The following CNTNAP3B variants were observed in gnomAD, a reference collection of about 807,000 sequenced individuals.
The protein encoded by CNTNAP3B is contactin-associated protein-like 3B.
CNTNAP3B carries 25 observed loss-of-function variants against 108.9 expected under a neutral mutation model. The ratio of observed to expected loss-of-function variants is 0.23; its 90% confidence interval spans 0.17 to 0.32. The LOEUF (loss-of-function observed/expected upper bound fraction) is 0.32. CNTNAP3B is among the 10% of genes least tolerant of loss of function. The probability of loss-of-function intolerance (pLI) is 1.00; values close to 1 mark genes in which losing one functional copy is unlikely to be tolerated. For missense variants in CNTNAP3B, 252 were observed against 1,210.4 expected (o/e 0.21, Z 11.75); for synonymous variants, 103 against 473.4 (o/e 0.22, Z 10.16).
intron 3 of CNTNAP3B, 60 bp downstream of exon 3, chr9:42,076,809 A>G (rs1827502032): frequency 1.4e-6 from 2 of 1,460,784 alleles, no homozygotes; most frequent in African/African-American, 3.3e-5. Context: ...AATTCTTAAA[A>G]TTCTGTTTTT....
At chr9:41,938,698 C>T (rs1365937599) in intron 13 of CNTNAP3B, among the ~76,000 whole-genome samples, 1 of 152,250 alleles carries the variant, frequency 6.6e-6, no homozygotes, top group Non-Finnish European at 1.5e-5. Flanking sequence ...CAAAAAAATT[C>T]ACCATTAAAA....
At position 42,026,869 on chromosome 9, in the gene CNTNAP3B, T is replaced by A. The variant is rs535410425; in HGVS notation, c.391-13344A>T. ...CCCAATCCTGCTGAGCCAAAGTAGA[T>A]AATGGGAGACTTTTAAGCAAACAGT... On this transcript the variant is annotated intron_variant, in intron 3 of 23. Transcript: ENST00000377561. Among the ~76,000 whole-genome samples, 3 of 131,248 alleles carry A rather than the reference T, an allele frequency of 2.3e-5. No individual in the cohort carries two copies. In the East Asian group the frequency reaches 7.2e-4, roughly 31 times the overall value. The allele number at this position is 131,248 out of a possible 152,430, so 86.1% of individuals were successfully genotyped here.
chr9:41,997,319 C>T (rs1355426574), intron 6 of CNTNAP3B, among the ~76,000 whole-genome samples: 4 of 152,188 alleles, frequency 2.6e-5, no homozygotes, highest in African/African-American at 9.7e-5. Flanking sequence ...ATGCTTGCTA[C>T]CTTGGTATTT....
At chr9:42,112,542 T>C (rs1250414862) in intron 1 of CNTNAP3B, among the ~76,000 whole-genome samples, 1 of 138,484 alleles carries the variant, frequency 7.2e-6, no homozygotes, top group Non-Finnish European at 1.5e-5. Context: ...AGACAATTCC[T>C]AGAGTCTACC....
chr9:41,969,310 C>T (rs1205532231), intron 10 of CNTNAP3B, among the ~76,000 whole-genome samples: 70 of 150,136 alleles, frequency 4.7e-4, no homozygotes, highest in African/African-American at 1.7e-3. Context: ...TGTCTAACCT[C>T]CATATTTCAT....
chr9:41,950,974 C>G (rs1824660437), intron 13 of CNTNAP3B, among the ~76,000 whole-genome samples: 1 of 137,260 alleles, frequency 7.3e-6, no homozygotes, highest in East Asian at 2.3e-4. Flanking sequence ...CCAGGATGGT[C>G]TGATTTCCTG....
At chr9:41,954,241 T>A (rs1304972634) in intron 12 of CNTNAP3B, among the ~76,000 whole-genome samples, 3 of 152,238 alleles carry the variant, frequency 2.0e-5, no homozygotes, top group African/African-American at 4.8e-5. Flanking sequence ...TGTATGGGGA[T>A]TTTTTAAGAA....
At chr9:41,969,489 G>T (rs1825379391) in intron 10 of CNTNAP3B, among the ~76,000 whole-genome samples, 2 of 146,910 alleles carry the variant, frequency 1.4e-5, no homozygotes, top group South Asian at 2.2e-4. Context: ...TGGGTGTGTG[G>T]TTGCAAAAGC....
At chr9:41,927,378 C>A (rs1324582979) in intron 15 of CNTNAP3B, among the ~76,000 whole-genome samples, 7 of 116,362 alleles carry the variant, frequency 6.0e-5, no homozygotes, top group Admixed American at 3.9e-4. Context: ...ACAGTGCAAA[C>A]ATACTGAGAA....
chr9:41,943,847 C>G (rs1181261541), intron 13 of CNTNAP3B, among the ~76,000 whole-genome samples: 1 of 152,260 alleles, frequency 6.6e-6, no homozygotes, highest in East Asian at 1.9e-4. Flanking sequence ...CAAAAAAAAC[C>G]ACACCTAGGC....
At chr9:41,957,929 T>G (rs1328517963) in intron 12 of CNTNAP3B, among the ~76,000 whole-genome samples, 18 of 151,562 alleles carry the variant, frequency 1.2e-4, no homozygotes, top group Admixed American at 2.6e-4. Context: ...CCCGGCTAAT[T>G]TTGTTTGTAT....
chr9:41,996,284 C>A lies in CNTNAP3B; in HGVS notation c.992G>T (p.Gly331Val). 1 of 1,539,406 alleles carries A rather than the reference C, an allele frequency of 6.5e-7. No individual in the cohort carries two copies. Among genetic ancestry groups the A allele is most frequent in the Non-Finnish European group, 8.8e-7 (1 of 1,137,030 alleles). Reference sequence around the variant, plus strand: ...ATTATAATAAAGATTTTCTAAACACCCATGAAAGCTTTTACGTGTGAATGC... The same window carrying A: ...ATTATAATAAAGATTTTCTAAACACACATGAAAGCTTTTACGTGTGAATGC... The part of the protein sequence containing the change: ...SRAFTRKSFH[G>V]CLENLYYNGV... The change falls in exon 7 of 24, where the codon GGG becomes GTG. Residue 331 changes from glycine to valine, a missense_variant. By Grantham distance (109) the Gly-to-Val change is moderately radical (BLOSUM62 -3). Coordinates refer to ENST00000377561, the MANE Select transcript of CNTNAP3B (RefSeq NM_001201380.3).
chr9:42,070,785 T>A (rs529515694), intron 3 of CNTNAP3B, among the ~76,000 whole-genome samples: 82 of 152,258 alleles, frequency 5.4e-4, no homozygotes, highest in African/African-American at 2.0e-3. Flanking sequence ...CACTCACATT[T>A]GCTCCAGTCA....
chr9:42,072,849 C>T lies in CNTNAP3B; in HGVS notation c.390+4020G>A, dbSNP rs1172553530. Among the ~76,000 whole-genome samples the T allele has an allele frequency of 1.6e-5, 2 of 122,150 alleles. 1 individual carries two copies. Among genetic ancestry groups the T allele is most frequent in the East Asian group, 5.0e-4 (2 of 4,026 alleles). 80.1% of individuals were successfully genotyped at this position (122,150 alleles called of 152,430 possible). ...CTTGGTATCAGATTTGCTTTAGATT[C>T]AGATTCATTTCATATATTAGAAAGG... On this transcript the variant is annotated intron_variant, in intron 3 of 23. Transcript: ENST00000377561.
In CNTNAP3B at chr9:41,929,429, T is replaced by A; in HGVS notation, c.2253A>T (p.Ile751=). The change falls in exon 15 of 24, where the codon ATA becomes ATT. Residue 751 remains isoleucine (I), a synonymous_variant. Coordinates refer to ENST00000377561, the MANE Select transcript of CNTNAP3B (RefSeq NM_001201380.3). Reference sequence around the variant, plus strand: ...GGAGGTGCTCCTTTTGGGAAAGGACTATTGTGTCACTAGTCCTAAAGAACA... The same window carrying A: ...GGAGGTGCTCCTTTTGGGAAAGGACAATTGTGTCACTAGTCCTAAAGAACA... ...AGQNEWTSDT[I]VLSQKEHLPV... 6.5e-7 allele frequency: 1 copy of A among 1,535,166 alleles called. No individual in the cohort carries two copies. The highest frequency in any genetic ancestry group is 2.3e-5 in the East Asian group (1 of 43,056).
chr9:41,918,089 G>C (rs1428684447), intron 18 of CNTNAP3B, among the ~76,000 whole-genome samples: 1 of 152,056 alleles, frequency 6.6e-6, no homozygotes, highest in Admixed American at 6.6e-5. Context: ...TATGAGAGAG[G>C]GTTTACAGAG....
At position 42,110,559 on chromosome 9, in the gene CNTNAP3B, T is replaced by A. The variant is rs1364131385; in HGVS notation, c.86-5820A>T. On this transcript the variant is annotated intron_variant, in intron 1 of 23. Transcript: ENST00000377561. ...AAAAAAAAAAAAGAAAAAAAAAGAT[T>A]CCTGTCCTTTCTCAGACTGTCTCGA... Among the ~76,000 whole-genome samples, 31 of 136,610 alleles carry A rather than the reference T, an allele frequency of 2.3e-4. 3 individuals are homozygous for A. The highest frequency in any genetic ancestry group is 4.0e-4 in the Non-Finnish European group (26 of 64,312). 89.6% of individuals were successfully genotyped at this position (136,610 alleles called of 152,430 possible).
chr9:41,952,405 G>C (rs1354494032), intron 13 of CNTNAP3B, among the ~76,000 whole-genome samples: 1 of 152,196 alleles, frequency 6.6e-6, no homozygotes, highest in Non-Finnish European at 1.5e-5. Context: ...ATTTGGGATT[G>C]CTAAAACTAA....
intron 14 of CNTNAP3B, among the ~76,000 whole-genome samples, chr9:41,935,207 C>T (rs1824119811): frequency 6.6e-6 from 1 of 152,288 alleles, no homozygotes; most frequent in Non-Finnish European, 1.5e-5. Flanking sequence ...AATATTCTTA[C>T]TGTGCCTGAG....
Sources: gnomAD v4.1 joint callset for allele counts (sites outside exome capture counted in the v4.1 genomes callset) on GRCh38, gnomAD v4.1.1 for gene constraint, MANE v1.5 for transcripts, NCBI Gene and HGNC (gene_info 2026-07-23, HGNC 2026-07-21) for gene names.